SMYD3: variants seen among roughly 807,000 people sequenced by gnomAD.
The protein encoded by SMYD3 is histone-lysine N-methyltransferase SMYD3.
In SMYD3, 36 loss-of-function variants were observed where a neutral mutation model predicts 57.7. The observed-to-expected ratio is 0.62, with a 90% CI of 0.48 to 0.82. The LOEUF (loss-of-function observed/expected upper bound fraction) is 0.82, where lower values mean the gene tolerates loss of function less well. Ranked by LOEUF, SMYD3 falls within the 40% of genes least tolerant of loss-of-function variation. The probability of loss-of-function intolerance (pLI) is 0.00; values close to 1 mark genes in which losing one functional copy is unlikely to be tolerated. For missense variants in SMYD3, 515 were observed against 538.8 expected, an observed-to-expected ratio of 0.96 and a Z score of 0.44; for synonymous variants, 211 against 195.0, an observed-to-expected ratio of 1.08 and a Z score of -0.68.
rs1558573437 is a variant in SMYD3, at chr1:246,002,328, GC to G, written c.532-72392del. On this transcript the variant is annotated intron_variant, in intron 5 of 11. Coordinates refer to ENST00000490107, the MANE Select transcript of SMYD3 (RefSeq NM_001167740.2). ...GCCTCCCGAGTAGCTGGGACTGCAGGCTCCCGCCACCACGCCCGGCTAATTT... is the reference window on the plus strand; with the variant it reads ...GCCTCCCGAGTAGCTGGGACTGCAGGTCCCGCCACCACGCCCGGCTAATTT... Among the ~76,000 whole-genome samples, 3 of 71,196 alleles carry G rather than the reference GC, an allele frequency of 4.2e-5. 1 individual carries two copies. Among genetic ancestry groups the G allele is most frequent in the Middle Eastern group, 6.7e-3 (1 of 150 alleles). The allele number at this position is 71,196 out of a possible 152,430, so 46.7% of individuals were successfully genotyped here. A position where few individuals can be genotyped will look rare whatever the true frequency, so the allele number is the denominator to read the frequency against.
chr1:246,402,608 C>A (rs975457481), intron 1 of SMYD3, among the ~76,000 whole-genome samples: 2 of 152,106 alleles, frequency 1.3e-5, no homozygotes, highest in Non-Finnish European at 2.9e-5. Flanking sequence ...GGCTAGAAGC[C>A]ACTGTGTGAA....
intron 5 of SMYD3, among the ~76,000 whole-genome samples, chr1:246,262,419 A>G (rs1041735490): frequency 2.0e-5 from 3 of 152,238 alleles, no homozygotes; most frequent in African/African-American, 4.8e-5. Context: ...AGTTCTGGAC[A>G]TATTCCCATA....
At chr1:246,382,589 T>A (rs1487374345) in intron 1 of SMYD3, among the ~76,000 whole-genome samples, 1 of 150,762 alleles carries the variant, frequency 6.6e-6, no homozygotes, top group Non-Finnish European at 1.5e-5. Context: ...CAGACTCTAA[T>A]AGACCCAGGA....
chr1:246,371,695 C>T (rs1217835904), intron 1 of SMYD3, among the ~76,000 whole-genome samples: 1 of 152,104 alleles, frequency 6.6e-6, no homozygotes, highest in Non-Finnish European at 1.5e-5. Context: ...CAACAGATGC[C>T]CACCTTGAGT....
chr1:246,473,780 T>C (rs1403278666), intron 1 of SMYD3, among the ~76,000 whole-genome samples: 1 of 152,232 alleles, frequency 6.6e-6, no homozygotes, highest in Non-Finnish European at 1.5e-5. Flanking sequence ...CACTCCTCCA[T>C]GACTTAAGTT....
At chr1:246,378,838 T>A (rs555308221) in intron 1 of SMYD3, among the ~76,000 whole-genome samples, 7 of 117,592 alleles carry the variant, frequency 6.0e-5, no homozygotes, top group African/African-American at 1.6e-4. Flanking sequence ...GTATATATAA[T>A]TATATATAAT....
chr1:246,438,130 A>T (rs2067408096), intron 1 of SMYD3, among the ~76,000 whole-genome samples: 1 of 152,214 alleles, frequency 6.6e-6, no homozygotes, highest in Admixed American at 6.5e-5. Context: ...CTATGCAAAA[A>T]AGGAGATGCA....
chr1:245,955,348 G>A (rs1001299375), intron 5 of SMYD3, among the ~76,000 whole-genome samples: 4 of 151,934 alleles, frequency 2.6e-5, no homozygotes, highest in African/African-American at 7.2e-5. Context: ...AGAGTGCTGG[G>A]ATTACCGGCA....
intron 5 of SMYD3, among the ~76,000 whole-genome samples, chr1:245,994,336 T>C (rs1216506789): frequency 2.0e-5 from 3 of 152,146 alleles, no homozygotes; most frequent in Admixed American, 6.5e-5. Flanking sequence ...GAGTCAGAGA[T>C]TGGCCCGACA....
intron 1 of SMYD3, among the ~76,000 whole-genome samples, chr1:246,487,890 C>T (rs145028937): frequency 0.017 from 2,591 of 152,218 alleles, 65 homozygotes; most frequent in African/African-American, 0.059. Flanking sequence ...GACAGGGTTC[C>T]TCCATGTTTG....
chr1:246,458,661 T>C (rs1208386840), intron 1 of SMYD3, among the ~76,000 whole-genome samples: 2 of 114,760 alleles, frequency 1.7e-5, no homozygotes, highest in African/African-American at 6.2e-5. Context: ...AGAGACGGGG[T>C]TTCATTATGT....
rs1035463232 is a variant in SMYD3 at position 246,094,552 on chromosome 1, C to T, written c.532-164615G>A. Among the ~76,000 whole-genome samples the T allele has an allele frequency of 9.9e-5, 15 of 152,278 alleles. No individual in the cohort carries two copies. In the East Asian group the frequency reaches 2.1e-3, roughly 22 times the overall value. ...CTGATCTTCCAGAGAGCATGTCCCC[C>T]GCCTCGCCACCAACAGTCCATAACT... On this transcript the variant is annotated intron_variant, in intron 5 of 11. Transcript: ENST00000490107.
At chr1:245,800,810 G>C (rs1016805090) in intron 10 of SMYD3, among the ~76,000 whole-genome samples, 1 of 152,196 alleles carries the variant, frequency 6.6e-6, no homozygotes, top group Non-Finnish European at 1.5e-5. Context: ...GGAAGGATTC[G>C]GGCTGGCTGA....
chr1:246,198,006 C>A (rs536725509), intron 5 of SMYD3, among the ~76,000 whole-genome samples: 6 of 152,264 alleles, frequency 3.9e-5, no homozygotes, highest in African/African-American at 1.2e-4. Context: ...ATCTGAATCC[C>A]GTTCCCCTGT....
chr1:246,309,076 A>C (rs913588723), intron 5 of SMYD3, among the ~76,000 whole-genome samples: 11 of 152,294 alleles, frequency 7.2e-5, no homozygotes, highest in African/African-American at 2.4e-4. Flanking sequence ...TATTAATATA[A>C]TTAGTAGAAC....
intron 10 of SMYD3, among the ~76,000 whole-genome samples, chr1:245,843,360 G>A (rs1416503550): frequency 6.6e-6 from 1 of 152,154 alleles, no homozygotes; most frequent in Non-Finnish European, 1.5e-5. Flanking sequence ...CATAGCTACA[G>A]CTGCTTTGGG....
At chr1:246,042,901 G>A (rs145033990) in intron 5 of SMYD3, among the ~76,000 whole-genome samples, 12 of 152,186 alleles carry the variant, frequency 7.9e-5, no homozygotes, top group African/African-American at 2.2e-4. Context: ...ATTTTGTTGA[G>A]GCTATTTCCA....
At chr1:246,083,922 A>T (rs1375346111) in intron 5 of SMYD3, among the ~76,000 whole-genome samples, 5 of 152,198 alleles carry the variant, frequency 3.3e-5, no homozygotes, top group Non-Finnish European at 7.3e-5. Context: ...ATTAGTAAAA[A>T]TTATGAAAAA....
intron 5 of SMYD3, among the ~76,000 whole-genome samples, chr1:245,992,250 A>G (rs1469348168): frequency 7.8e-6 from 1 of 127,538 alleles, no homozygotes; most frequent in Non-Finnish European, 1.6e-5. Flanking sequence ...TTTCTATCAT[A>G]TTCTATTGGC....
Sources: allele counts gnomAD v4.1 joint callset (sites outside exome capture counted in the v4.1 genomes callset), GRCh38; gene constraint gnomAD v4.1.1; transcripts MANE v1.5; gene names NCBI Gene and HGNC (gene_info 2026-07-23, HGNC 2026-07-21).